Variants in DNAH6 observed in about 807,000 individuals in gnomAD.
DNAH6 encodes axonemal beta dynein heavy chain 6.
DNAH6 carries 340 observed loss-of-function variants against 491.4 expected under a neutral mutation model. The ratio of observed to expected loss-of-function variants is 0.69; its 90% CI spans 0.63 to 0.76. DNAH6 has a LOEUF of 0.76. Ranked by LOEUF, DNAH6 falls within the 30% of genes least tolerant of loss-of-function variation. The pLI, the probability that DNAH6 is intolerant of heterozygous loss-of-function variation, is 0.00. For synonymous variants in DNAH6, 1,603 were observed against 1,686.1 expected, an observed-to-expected ratio of 0.95 and a Z score of 1.21; for missense variants, 4,443 against 4,972.2, an observed-to-expected ratio of 0.89 and a Z score of 3.20.
chr2:84,752,611 C>G (rs1394681229), intron 63 of DNAH6, among the ~76,000 whole-genome samples: 1 of 151,858 alleles, frequency 6.6e-6, no homozygotes, highest in East Asian at 1.9e-4. Flanking sequence ...GCCGTCATCC[C>G]CCAGTGCCAT....
At chr2:84,721,405 T>G (rs1281519633) in intron 59 of DNAH6, among the ~76,000 whole-genome samples, 1 of 152,174 alleles carries the variant, frequency 6.6e-6, no homozygotes, top group African/African-American at 2.4e-5. Context: ...GGAAACAGCT[T>G]CTGCACTGAA....
At chr2:84,518,200 C>T (rs1464172501) in intron 2 of DNAH6, 149 bp downstream of exon 2, 5 of 635,504 alleles carry the variant, frequency 7.9e-6, no homozygotes, top group Middle Eastern at 2.8e-4. Flanking sequence ...GTTGTAAATA[C>T]GGTAAATATT....
the DNAH6 span, among the ~76,000 whole-genome samples, chr2:84,509,707 TG>T: frequency 1.3e-5 from 2 of 152,238 alleles, no homozygotes; most frequent in African/African-American, 4.8e-5. Context: ...TTGCAGTGGC[TG>T]GTACCGGTTG....
chr2:84,784,935 T>A (rs1457835542), intron 66 of DNAH6, 125 bp downstream of exon 66: 6 of 658,810 alleles, frequency 9.1e-6, no homozygotes, highest in Non-Finnish European at 1.6e-5. Flanking sequence ...CATGGGGAGG[T>A]GAAGTCAGTA....
Position 84,544,293 on chromosome 2 carries a change from AAC to A in DNAH6, c.729_730del (p.Ile244LeufsTer2), listed in dbSNP as rs1053884060. 2 of 1,527,044 alleles carry A rather than the reference AAC, an allele frequency of 1.3e-6. No homozygotes were observed. Among genetic ancestry groups the A allele is most frequent in the African/African-American group, 2.8e-5 (2 of 72,666 alleles). 94.6% of individuals were successfully genotyped at this position (1,527,044 alleles called of 1,614,324 possible). The part of the protein sequence containing the change: ...DYYTISQRAV[T>X]HIYNEDIEFI... ...ACTATACTATTAGCCAAAGGGCAGT[AAC>A]ACACATTTATAATGAAGACATTGAA... On this transcript the variant is annotated frameshift_variant, in exon 5 of 77. Coordinates refer to ENST00000389394, the MANE Select transcript of DNAH6 (RefSeq NM_001370.2). LOFTEE classifies it high-confidence loss of function.
chr2:84,629,869 A>G (rs1688240488), intron 29 of DNAH6, among the ~76,000 whole-genome samples: 1 of 152,200 alleles, frequency 6.6e-6, no homozygotes, highest in South Asian at 2.1e-4. Flanking sequence ...GACCATATCA[A>G]TAATCAGAAT....
chr2:84,673,749 C>G (rs1692964012), intron 40 of DNAH6, among the ~76,000 whole-genome samples: 1 of 152,180 alleles, frequency 6.6e-6, no homozygotes, highest in South Asian at 2.1e-4. Context: ...CTAGGCCACT[C>G]TCTTTTCACA....
chr2:84,710,516 T>C, intron 56 of DNAH6, 104 bp downstream of exon 56: 2 of 1,178,568 alleles, frequency 1.7e-6, no homozygotes, highest in Non-Finnish European at 2.4e-6. Context: ...ACCAGTCAAC[T>C]CCATTTTCAA....
intron 45 of DNAH6, among the ~76,000 whole-genome samples, chr2:84,689,493 C>T (rs1694631871): frequency 1.3e-5 from 2 of 152,194 alleles, no homozygotes; most frequent in Non-Finnish European, 2.9e-5. Flanking sequence ...ACTTGTCTCT[C>T]GGCATGGCAG....
intron 41 of DNAH6, among the ~76,000 whole-genome samples, chr2:84,680,859 C>T (rs1384195971): frequency 6.6e-6 from 1 of 152,130 alleles, no homozygotes; most frequent in African/African-American, 2.4e-5. Context: ...TATAAAGAGA[C>T]TTCCAAGCTC....
At chr2:84,600,643 A>G (rs1301760198) in intron 18 of DNAH6, among the ~76,000 whole-genome samples, 7 of 152,134 alleles carry the variant, frequency 4.6e-5, no homozygotes, top group African/African-American at 1.7e-4. Context: ...CTGGAATTAT[A>G]GATTCTTACA....
chr2:84,735,403 A>G (rs1699457097), intron 62 of DNAH6, among the ~76,000 whole-genome samples: 1 of 152,200 alleles, frequency 6.6e-6, no homozygotes, highest in African/African-American at 2.4e-5. Flanking sequence ...TCCTTTGGGT[A>G]TATACCCAGT....
In DNAH6 at chr2:84,653,799, G is replaced by A; in HGVS notation, c.5559G>A (p.Leu1853=). 1 of 1,551,426 alleles carries A rather than the reference G, an allele frequency of 6.4e-7. No homozygotes were observed. The highest frequency in any genetic ancestry group is 1.2e-5 in the South Asian group (1 of 84,028). The change falls in exon 34 of 77, where the codon CTG becomes CTA. Residue 1853 remains leucine, a synonymous_variant. Coordinates refer to ENST00000389394, the MANE Select transcript of DNAH6 (RefSeq NM_001370.2). ...ALWIENMNTV[L]DDNKMLCLAN... ...GGATTGAAAACATGAATACAGTGCT[G>A]GATGATAACAAGATGCTTTGCCTGG...
In DNAH6 at chr2:84,517,812, T is replaced by G. The variant is rs2104396540; in HGVS notation, c.-8-7T>G. On this transcript the variant is annotated splice_region_variant and splice_polypyrimidine_tract_variant and intron_variant, in intron 1 of 76. Transcript: ENST00000389394. ...TCATTTTCTTTTTCCTCACCTATTC[T>G]TTTCAGGAGTAAGGATGACTTTTCG... The G allele has an allele frequency of 6.5e-7, 1 of 1,544,940 alleles. No individual in the cohort carries two copies. The highest frequency in any genetic ancestry group is 2.4e-5 in the East Asian group (1 of 40,880).
At chr2:84,662,464 A>G (rs1388427634) in intron 37 of DNAH6, among the ~76,000 whole-genome samples, 1 of 151,994 alleles carries the variant, frequency 6.6e-6, no homozygotes, top group Non-Finnish European at 1.5e-5. Flanking sequence ...TATCCTGCAC[A>G]TGGCTCAGAG....
chr2:84,620,333 C>T (rs1242251415), intron 24 of DNAH6, among the ~76,000 whole-genome samples: 1 of 152,140 alleles, frequency 6.6e-6, no homozygotes, highest in African/African-American at 2.4e-5. Context: ...ATGTAAATTA[C>T]TTAAAGCAGT....
chr2:84,595,727 G>A lies in DNAH6; in HGVS notation c.2806G>A (p.Gly936Ser), dbSNP rs935733226. ...YAKFVTQLEK[G>S]LPPNSVVPQL... ...TAAATTTGTGACTCAACTGGAAAAA[G>A]GCTTGCCACCCAACAGTGTAGTGCC... The change falls in exon 18 of 77, where the codon GGC becomes AGC. Residue 936 changes from glycine to serine, a missense_variant. Gly to Ser is a moderately conservative substitution (Grantham distance 56). Coordinates refer to ENST00000389394, the MANE Select transcript of DNAH6 (RefSeq NM_001370.2). 6.4e-7 allele frequency: 1 copy of A among 1,551,128 alleles called. No individual in the cohort carries two copies.
At chr2:84,492,011 G>A in the DNAH6 span, among the ~76,000 whole-genome samples, 2 of 152,150 alleles carry the variant, frequency 1.3e-5, no homozygotes, top group Non-Finnish European at 2.9e-5. Context: ...TGCTCAGAAG[G>A]TGGAGGTCTA....
intron 7 of DNAH6, 135 bp downstream of exon 7, chr2:84,547,747 A>C (rs1359600225): frequency 2.0e-6 from 2 of 980,348 alleles, no homozygotes; most frequent in Admixed American, 5.8e-5. Context: ...TGGATATTAT[A>C]AATTTAATGT....
Sources: allele counts gnomAD v4.1 joint callset (sites outside exome capture counted in the v4.1 genomes callset), GRCh38; gene constraint gnomAD v4.1.1; transcripts MANE v1.5; gene names NCBI Gene and HGNC (gene_info 2026-07-23, HGNC 2026-07-21).